CADPS2: variants seen among roughly 807,000 people sequenced by gnomAD.
CADPS2 encodes the protein calcium dependent secretion activator 2, also known as calcium-dependent secretion activator 2.
Under a neutral mutation model 172.5 loss-of-function variants are expected in CADPS2, and 93 were observed. That is an observed-to-expected ratio of 0.54 (90% CI 0.46 to 0.64). The LOEUF (loss-of-function observed/expected upper bound fraction) is 0.64. Ranked by LOEUF, CADPS2 falls within the 30% of genes least tolerant of loss-of-function variation. CADPS2 has a pLI of 0.00. For synonymous variants in CADPS2, 546 were observed against 555.2 expected (o/e 0.98, Z 0.23); for missense variants, 1,420 against 1,565.9 (o/e 0.91, Z 1.57).
chr7:122,782,032 T>C (rs951783251), intron 1 of CADPS2, among the ~76,000 whole-genome samples: 6 of 152,224 alleles, frequency 3.9e-5, no homozygotes, highest in African/African-American at 9.6e-5. Flanking sequence ...ATAGGTCTTA[T>C]GCTTATCTTG....
At chr7:122,697,631 CT>C (rs762707066) in intron 2 of CADPS2, 27 of 614,554 alleles carry the variant, frequency 4.4e-5, no homozygotes, top group Non-Finnish European at 5.6e-5. Context: ...CCCGCTAGGA[CT>C]TTTTTGCTAT....
At chr7:122,545,458 A>C (rs1171536916) in intron 8 of CADPS2, among the ~76,000 whole-genome samples, 4 of 152,138 alleles carry the variant, frequency 2.6e-5, no homozygotes, top group Non-Finnish European at 4.4e-5. Flanking sequence ...GTTGGGTATA[A>C]AATCTAGACG....
rs1295436806 is a variant in CADPS2 at position 122,532,607 on chromosome 7, A to G, written c.1476-19292T>C. On this transcript the variant is annotated intron_variant, in intron 8 of 29. Coordinates refer to ENST00000449022, the MANE Select transcript of CADPS2 (RefSeq NM_017954.11). ...CGACAGATCAGGCCTGAGAATTTGC[A>G]TGTTCAAGTTCTCAGGTGATGCTGA... Among the ~76,000 whole-genome samples, 10 of 136,224 alleles carry G rather than the reference A, an allele frequency of 7.3e-5. No individual in the cohort carries two copies. The East Asian group carries it at 2.0e-3, about 27-fold the overall frequency. The allele number at this position is 136,224 out of a possible 152,430, so 89.4% of individuals were successfully genotyped here. A position where few individuals can be genotyped will look rare whatever the true frequency, so the allele number is the denominator to read the frequency against.
intron 1 of CADPS2, among the ~76,000 whole-genome samples, chr7:122,793,659 A>G (rs1031209460): frequency 6.6e-6 from 1 of 152,080 alleles, no homozygotes; most frequent in Non-Finnish European, 1.5e-5. Flanking sequence ...TGTGAATTTG[A>G]TCCTATCCTC....
At chr7:122,800,611 A>G (rs532928820) in intron 1 of CADPS2, among the ~76,000 whole-genome samples, 1 of 152,202 alleles carries the variant, frequency 6.6e-6, no homozygotes, top group Non-Finnish European at 1.5e-5. Context: ...ATGAAGTAAA[A>G]AAAAGGAACC....
At chr7:122,701,645 G>C in intron 2 of CADPS2, 1 of 419,646 alleles carries the variant, frequency 2.4e-6, no homozygotes, top group Non-Finnish European at 4.2e-6. Flanking sequence ...AAACTGATTA[G>C]AAAGACAAGA....
chr7:122,683,702 G>A (rs971588947), intron 2 of CADPS2, among the ~76,000 whole-genome samples: 2 of 151,792 alleles, frequency 1.3e-5, no homozygotes, highest in African/African-American at 4.8e-5. Flanking sequence ...AAGTACAGAA[G>A]GGCGGTCCTC....
intron 9 of CADPS2, among the ~76,000 whole-genome samples, chr7:122,505,357 AT>A (rs1407035919): frequency 6.6e-6 from 1 of 152,154 alleles, no homozygotes; most frequent in Admixed American, 6.5e-5. Context: ...TGAGACAATT[AT>A]TTTTTAAAAA....
chr7:122,362,721 G>T (rs898459660), intron 25 of CADPS2, among the ~76,000 whole-genome samples: 8 of 152,170 alleles, frequency 5.3e-5, no homozygotes, highest in African/African-American at 1.9e-4. Context: ...ACTGGTTTTT[G>T]TTCACATAGC....
intron 2 of CADPS2, among the ~76,000 whole-genome samples, chr7:122,716,781 C>A (rs1457250375): frequency 6.6e-6 from 1 of 151,962 alleles, no homozygotes; most frequent in Admixed American, 6.6e-5. Context: ...AGGTAGAGTG[C>A]GACCAAGGGG....
chr7:122,403,976 G>A (rs1294554595), intron 20 of CADPS2, among the ~76,000 whole-genome samples: 2 of 152,030 alleles, frequency 1.3e-5, no homozygotes, highest in African/African-American at 4.8e-5. Flanking sequence ...TTGCTTGATG[G>A]TGAACATTAA....
intron 2 of CADPS2, among the ~76,000 whole-genome samples, chr7:122,672,143 G>GA (rs1336416249): frequency 6.6e-6 from 1 of 152,164 alleles, no homozygotes; most frequent in Non-Finnish European, 1.5e-5. Flanking sequence ...TAGAGTTTAA[G>GA]ACAATCTTTC....
chr7:122,646,804 G>A (rs75121911), intron 3 of CADPS2, among the ~76,000 whole-genome samples: 432 of 152,234 alleles, frequency 2.8e-3, no homozygotes, highest in Non-Finnish European at 5.0e-3. Flanking sequence ...ACAAAAGTAT[G>A]TAGGATTAGA....
At chr7:122,441,723 C>T (rs2051379293) in intron 15 of CADPS2, 148 bp from the exon 16 acceptor site, 2 of 475,998 alleles carry the variant, frequency 4.2e-6, no homozygotes, top group Non-Finnish European at 7.5e-6. Flanking sequence ...GAAATTTTAA[C>T]TATTAAAAGT....
At chr7:122,705,737 TA>T (rs1284631409) in intron 2 of CADPS2, among the ~76,000 whole-genome samples, 1 of 12,068 alleles carries the variant, frequency 8.3e-5, no homozygotes, top group Non-Finnish European at 1.5e-4. Flanking sequence ...ATATATTATA[TA>T]ATATATAATA....
chr7:122,618,248 G>A (rs1390607279), intron 5 of CADPS2, among the ~76,000 whole-genome samples: 1 of 152,072 alleles, frequency 6.6e-6, no homozygotes, highest in Non-Finnish European at 1.5e-5. Context: ...ATCCTGAACG[G>A]CTGTTTTTTT....
At chr7:122,757,273 A>G (rs1233832502) in intron 1 of CADPS2, among the ~76,000 whole-genome samples, 1 of 151,966 alleles carries the variant, frequency 6.6e-6, no homozygotes, top group Non-Finnish European at 1.5e-5. Context: ...CAGCCTCCCA[A>G]ATAGCTGGGA....
intron 17 of CADPS2, among the ~76,000 whole-genome samples, chr7:122,435,173 A>G (rs1051532921): frequency 6.6e-6 from 1 of 152,230 alleles, no homozygotes; most frequent in East Asian, 1.9e-4. Flanking sequence ...ATGACAAAAC[A>G]TCACACTACC....
At chr7:122,400,253 T>A (rs932106808) in intron 20 of CADPS2, among the ~76,000 whole-genome samples, 1 of 151,530 alleles carries the variant, frequency 6.6e-6, no homozygotes, top group African/African-American at 2.4e-5. Flanking sequence ...TGGACCAACA[T>A]GCAGAAACTC....
Sources: allele counts gnomAD v4.1 joint callset (sites outside exome capture counted in the v4.1 genomes callset), GRCh38; gene constraint gnomAD v4.1.1; transcripts MANE v1.5; gene names NCBI Gene and HGNC (gene_info 2026-07-23, HGNC 2026-07-21).